Variants in PAH observed in about 807,000 individuals in gnomAD.
PAH encodes phenylalanine-4-hydroxylase.
PAH carries 64 observed loss-of-function variants against 62.0 expected under a neutral mutation model. The ratio of observed to expected loss-of-function variants is 1.03; its 90% CI spans 0.84 to 1.27. PAH has a LOEUF of 1.27. PAH is among the 50% of genes most tolerant of loss of function. The pLI, the probability that PAH is intolerant of heterozygous loss-of-function variation, is 0.00. For synonymous variants in PAH, 195 were observed against 196.2 expected, an observed-to-expected ratio of 0.99 and a Z score of 0.05; for missense variants, 579 against 542.8, an observed-to-expected ratio of 1.07 and a Z score of -0.66.
chr12:102,853,535 T>C (rs771513672), intron 6 of PAH: 9 of 168,996 alleles, frequency 5.3e-5, no homozygotes, highest in Admixed American at 1.6e-4. Flanking sequence ...GAGGACCTCA[T>C]TCCAGTCTGC....
In PAH at chr12:102,847,554, A is replaced by G. The variant is rs553882213; in HGVS notation, c.913-603T>C. Among the ~76,000 whole-genome samples, 71 of 152,314 alleles carry G rather than the reference A, an allele frequency of 4.7e-4. No homozygotes were observed. The Middle Eastern group carries it at 0.01, about 22-fold the overall frequency. ...CACTCTCAAAATATTTATTAAGTTCATTTGATGTGCCAGGCAGTGTATAAA... is the reference window on the plus strand; with the variant it reads ...CACTCTCAAAATATTTATTAAGTTCGTTTGATGTGCCAGGCAGTGTATAAA... On this transcript the variant is annotated intron_variant, in intron 8 of 12. Transcript: ENST00000553106.
At chr12:102,955,982 G>A (rs1879898990) in intron 1 of PAH, among the ~76,000 whole-genome samples, 1 of 152,080 alleles carries the variant, frequency 6.6e-6, no homozygotes, top group Admixed American at 6.5e-5. Flanking sequence ...ATTCACTTCG[G>A]GAGCCGCCCG....
At chr12:102,884,959 G>T (rs1876968987) in intron 3 of PAH, among the ~76,000 whole-genome samples, 1 of 152,184 alleles carries the variant, frequency 6.6e-6, no homozygotes, top group African/African-American at 2.4e-5. Context: ...GAGACAAAGT[G>T]ATTTGCTCAA....
rs1522296 is a variant in PAH at position 102,917,009 on chromosome 12, G to C, written c.60+62C>G. Reference sequence around the variant, plus strand: ...AAACCAGGAAGCACCAGCAGTCTTCGGATCTCTTTCTCTGGAGGCCCAAAT... The same window carrying C: ...AAACCAGGAAGCACCAGCAGTCTTCCGATCTCTTTCTCTGGAGGCCCAAAT... On this transcript the variant is annotated intron_variant, in intron 1 of 12. Coordinates refer to ENST00000553106, the MANE Select transcript of PAH (RefSeq NM_000277.3). 2.1e-6 allele frequency: 3 copies of C among 1,454,230 alleles called. No homozygotes were observed. Among genetic ancestry groups the C allele is most frequent in the African/African-American group, 1.4e-5 (1 of 71,714 alleles). The allele number at this position is 1,454,230 out of a possible 1,614,324, so 90.1% of individuals were successfully genotyped here.
chr12:102,951,393 C>T (rs940074438), upstream of PAH, among the ~76,000 whole-genome samples: 14 of 152,188 alleles, frequency 9.2e-5, no homozygotes, highest in East Asian at 7.7e-4. Context: ...AATGGCTTCT[C>T]ACCAACATTC....
At chr12:102,930,635 T>G (rs1473626726) in intron 1 of PAH, among the ~76,000 whole-genome samples, 2 of 152,254 alleles carry the variant, frequency 1.3e-5, no homozygotes, top group Non-Finnish European at 2.9e-5. Context: ...ACACCCCTGC[T>G]GTCCACTCTC....
chr12:102,895,287 T>C (rs1877452769), intron 2 of PAH, among the ~76,000 whole-genome samples: 1 of 152,196 alleles, frequency 6.6e-6, no homozygotes, highest in Admixed American at 6.5e-5. Context: ...TCTATGGAAT[T>C]ACAATAAATA....
At chr12:102,918,569 TG>T (rs66532011), upstream of PAH, among the ~76,000 whole-genome samples, 55,863 of 146,828 alleles carry the variant, frequency 0.38, 11,207 homozygotes, top group African/African-American at 0.54. Flanking sequence ...AGTTTTTTTT[TG>T]TTTTTTTTTT....
At chr12:102,868,507 C>T (rs1217126588) in intron 4 of PAH, among the ~76,000 whole-genome samples, 3 of 151,852 alleles carry the variant, frequency 2.0e-5, no homozygotes, top group Non-Finnish European at 2.9e-5. Flanking sequence ...TTTTATGACA[C>T]GGTTATTGCA....
At chr12:102,935,580 G>C (rs1444754010) in intron 1 of PAH, among the ~76,000 whole-genome samples, 1 of 151,960 alleles carries the variant, frequency 6.6e-6, no homozygotes, top group Non-Finnish European at 1.5e-5. Flanking sequence ...ACTTGTTATT[G>C]GTCTGTTCAG....
rs1416852334 is a variant in PAH, at chr12:102,957,540, A to G, written c.-96+655T>C. ...GGAGTTTAGGGAGTGGGTGGGAGGA[A>G]GAGGTAAGAGGAGGGGGGGGAGTGG... On this transcript the variant is annotated intron_variant, in intron 1 of 4. Transcript: ENST00000551337. The surrounding 1 kb of genome is among the most constrained non-coding windows in gnomAD (Gnocchi z 4.1). 3.4e-4 allele frequency: 40 copies of G among 118,214 alleles called. No homozygotes were observed. The highest frequency in any genetic ancestry group is 2.7e-3 in the Admixed American group (32 of 11,880). 7.3% of individuals were successfully genotyped at this position (118,214 alleles called of 1,614,324 possible).
intron 5 of PAH, among the ~76,000 whole-genome samples, chr12:102,857,661 G>T (rs916203050): frequency 6.6e-6 from 1 of 152,176 alleles, no homozygotes; most frequent in African/African-American, 2.4e-5. Context: ...GAGAGTGGGG[G>T]CCAATATTCA....
chr12:102,930,180 A>C (rs1360339091), intron 1 of PAH, among the ~76,000 whole-genome samples: 2 of 152,190 alleles, frequency 1.3e-5, no homozygotes, highest in Non-Finnish European at 2.9e-5. Context: ...TCTGAGTCCA[A>C]GTTCAATGCT....
chr12:102,897,916 G>A (rs552467277), intron 2 of PAH, among the ~76,000 whole-genome samples: 7 of 152,252 alleles, frequency 4.6e-5, no homozygotes, highest in African/African-American at 1.4e-4. Context: ...GGGCTGTGGG[G>A]GACTGGAGCT....
chr12:102,855,407 G>A (rs1875381777), intron 5 of PAH, 75 bp from the exon 6 acceptor site: 5 of 1,195,670 alleles, frequency 4.2e-6, no homozygotes, highest in Non-Finnish European at 6.2e-6. Flanking sequence ...TTAGCAGAGG[G>A]AGTCGGGGAC....
chr12:102,854,120 C>A (rs1875300683), intron 6 of PAH, among the ~76,000 whole-genome samples: 1 of 152,150 alleles, frequency 6.6e-6, no homozygotes, highest in Non-Finnish European at 1.5e-5. Context: ...CAGGCTGAAG[C>A]ACACTCTGCT....
chr12:102,843,801 T>C (rs549833778), intron 10 of PAH, 22 bp from the exon 11 acceptor site: 28 of 1,611,454 alleles, frequency 1.7e-5, no homozygotes, highest in South Asian at 1.2e-4. Context: ...AAGTGAAAAG[T>C]TATTATCACT....
At chr12:102,885,392 C>A (rs1241198700) in intron 3 of PAH, among the ~76,000 whole-genome samples, 2 of 152,192 alleles carry the variant, frequency 1.3e-5, no homozygotes, top group African/African-American at 4.8e-5. Context: ...TTGCCAAATA[C>A]CTCGGCCGGT....
chr12:102,876,238 T>A (rs1876559662), intron 4 of PAH, among the ~76,000 whole-genome samples: 1 of 152,310 alleles, frequency 6.6e-6, no homozygotes, highest in East Asian at 1.9e-4. Context: ...GTTTTACAAT[T>A]TGAATTAGAA....
Sources: gnomAD v4.1 joint callset for allele counts (sites outside exome capture counted in the v4.1 genomes callset) on GRCh38, gnomAD v4.1.1 for gene constraint, Gnocchi (gnomAD v3.1) non-coding constraint, MANE v1.5 for transcripts, NCBI Gene and HGNC (gene_info 2026-07-23, HGNC 2026-07-21) for gene names.